IL3RA: variants seen among roughly 807,000 people sequenced by gnomAD.
IL3RA encodes the protein interleukin-3 receptor subunit alpha.
Under a neutral mutation model 52.3 loss-of-function variants are expected in IL3RA, and 73 were observed. The observed-to-expected ratio is 1.40, with a 90% CI of 1.16 to 1.70. IL3RA has a LOEUF of 1.70. IL3RA is among the 40% of genes most tolerant of loss of function. IL3RA has a pLI of 0.00. For missense variants in IL3RA, 664 were observed against 504.4 expected (o/e 1.32, Z -3.03); for synonymous variants, 260 against 194.0 (o/e 1.34, Z -2.83).
chrX:1,379,029 G>C (rs1179638573), intron 10 of IL3RA, among the ~76,000 whole-genome samples: 1 of 152,032 alleles, frequency 6.6e-6, no homozygotes, highest in Non-Finnish European at 1.5e-5. Flanking sequence ...TTTTAGTAGA[G>C]ACGGGGTTTT....
At chrX:1,370,296 G>T in intron 9 of IL3RA, among the ~76,000 whole-genome samples, 1 of 11,756 alleles carries the variant, frequency 8.5e-5, no homozygotes, top group Non-Finnish European at 1.3e-4. Context: ...CTCATAAGAA[G>T]AGACGAGGAC....
intron 2 of IL3RA, among the ~76,000 whole-genome samples, chrX:1,342,472 T>C (rs17881030): frequency 0.034 from 5,112 of 151,988 alleles, 109 homozygotes; most frequent in Middle Eastern, 0.065. Context: ...GGCCTTTTTT[T>C]TCATTGGTTT....
At chrX:1,377,233 CTTTTTTCTTTTTT>C (rs2088824493) in intron 9 of IL3RA, among the ~76,000 whole-genome samples, 1 of 152,032 alleles carries the variant, frequency 6.6e-6, no homozygotes, top group Non-Finnish European at 1.5e-5. Flanking sequence ...TTTTCTTTTT[CTTTTTTCTTTTTT>C]TTCCTCTTTT....
intron 2 of IL3RA, among the ~76,000 whole-genome samples, chrX:1,344,210 G>A (rs1349032874): frequency 6.6e-6 from 1 of 151,930 alleles, no homozygotes; most frequent in African/African-American, 2.4e-5. Context: ...GAGGCAGGCA[G>A]ATCATGTGAG....
At chrX:1,343,695 C>G (rs1365299210) in intron 2 of IL3RA, among the ~76,000 whole-genome samples, 1 of 149,358 alleles carries the variant, frequency 6.7e-6, no homozygotes, top group Non-Finnish European at 1.5e-5. Context: ...AGAATATTGC[C>G]TTTAACATCT....
intron 9 of IL3RA, among the ~76,000 whole-genome samples, chrX:1,368,437 T>G (rs1184890336): frequency 6.6e-6 from 1 of 151,786 alleles, no homozygotes; most frequent in South Asian, 2.1e-4. Context: ...ATAGAAAAAT[T>G]AGGTCAGGTG....
In IL3RA at chrX:1,338,948, C is replaced by T. The variant is rs1322853193; in HGVS notation, c.-39+2022C>T. On this transcript the variant is annotated intron_variant, in intron 1 of 11. Transcript: ENST00000331035. ...CTGAGTAGCTGGGACTACAGGCACC[C>T]GCAACTACGCCTGGCTAATTTTTGT... is the stretch of plus-strand genomic sequence containing the variant. 8.6e-4 allele frequency among the ~76,000 whole-genome samples: 130 copies of T among 151,998 alleles called. 1 individual carries two copies. The highest frequency in any genetic ancestry group is 1.3e-3 in the Non-Finnish European group (88 of 67,996).
Position 1,365,136 on chromosome X carries a change from A to G in IL3RA, c.760-2A>G, listed in dbSNP as rs1389632912. 6.2e-7 allele frequency: 1 copy of G among 1,602,852 alleles called. No homozygotes were observed. Among genetic ancestry groups the G allele is most frequent in the Non-Finnish European group, 8.5e-7 (1 of 1,171,824 alleles). The stretch of plus-strand genomic sequence containing the variant: ...TCTTCTTTATTTTCTTTCAAACCAC[A>G]GGTCAGAGACAGAACCTCCTTCCAG... On this transcript the variant is annotated splice_acceptor_variant, in intron 8 of 11. Coordinates refer to ENST00000331035, the MANE Select transcript of IL3RA (RefSeq NM_002183.4). LOFTEE classifies it high-confidence loss of function.
chrX:1,345,651 G>A (rs1158401836), intron 3 of IL3RA, among the ~76,000 whole-genome samples: 14 of 151,386 alleles, frequency 9.2e-5, no homozygotes, highest in Admixed American at 1.3e-4. Flanking sequence ...CACCATGCCC[G>A]GCTAATTTTT....
chrX:1,354,058 C>A lies in IL3RA; in HGVS notation c.616+1552C>A. 2.1e-5 allele frequency among the ~76,000 whole-genome samples: 3 copies of A among 145,186 alleles called. 1 individual carries two copies. On this transcript the variant is annotated intron_variant, in intron 6 of 11. Coordinates refer to ENST00000331035, the MANE Select transcript of IL3RA (RefSeq NM_002183.4). ...GTCTCATCATGGGCCATGGGTCCCA[C>A]CATGGGTCATGGGAGCCCCCATCAT...
At chrX:1,344,211 A>G (rs2085625846) in intron 2 of IL3RA, among the ~76,000 whole-genome samples, 1 of 152,066 alleles carries the variant, frequency 6.6e-6, no homozygotes, top group South Asian at 2.1e-4. Context: ...AGGCAGGCAG[A>G]TCATGTGAGG....
In IL3RA at chrX:1,382,404, C is replaced by T. The variant is rs774597782; in HGVS notation, c.1076C>T (p.Ala359Val). ...FQNDKLVVWE[A>V]GKAGLEECLV... ...TCGTCTCTGCAGGTGGTCTGGGAGG[C>T]GGGCAAAGCCGGCCTGGAGGAGTGT... Residue 359 changes from alanine (A) to valine (V), a missense_variant, in exon 12 of 12, where the codon GCG becomes GTG. By Grantham distance (64) the Ala-to-Val change is moderately conservative (BLOSUM62 0). Transcript: ENST00000331035. 35 of 1,613,576 alleles carry T rather than the reference C, an allele frequency of 2.2e-5. No individual in the cohort carries two copies. The highest frequency in any genetic ancestry group is 2.5e-5 in the Non-Finnish European group (29 of 1,179,724).
intron 3 of IL3RA, among the ~76,000 whole-genome samples, chrX:1,347,656 GA>G (rs1231524214): frequency 3.3e-5 from 5 of 151,250 alleles, no homozygotes; most frequent in East Asian, 1.9e-4. Flanking sequence ...AAACAAACAA[GA>G]AAAAAACAAA....
chrX:1,355,707 G>A (rs2086657742), intron 6 of IL3RA, among the ~76,000 whole-genome samples: 1 of 151,964 alleles, frequency 6.6e-6, no homozygotes, highest in Admixed American at 6.6e-5. Context: ...GGAAGCTTCA[G>A]GAGGATGTGT....
chrX:1,378,836 C>T (rs2088983178), intron 10 of IL3RA, 72 bp downstream of exon 10: 7 of 1,312,136 alleles, frequency 5.3e-6, no homozygotes, highest in Admixed American at 1.8e-5. Context: ...ACAGAACCAT[C>T]CTGAGAATTA....
intron 2 of IL3RA, among the ~76,000 whole-genome samples, chrX:1,342,911 C>T (rs1227762583): frequency 1.3e-5 from 2 of 150,936 alleles, no homozygotes; most frequent in Non-Finnish European, 3.0e-5. Flanking sequence ...CCCGTCTCTA[C>T]TAAAAATACA....
intron 6 of IL3RA, among the ~76,000 whole-genome samples, chrX:1,353,205 TCCA>T (rs2086232546): frequency 6.9e-6 from 1 of 145,380 alleles, no homozygotes; most frequent in Non-Finnish European, 1.5e-5. Flanking sequence ...CATCATGGGT[TCCA>T]TCATGGGTAA....
intron 8 of IL3RA, among the ~76,000 whole-genome samples, chrX:1,360,877 CT>C (rs2087227855): frequency 1.4e-5 from 2 of 146,258 alleles, no homozygotes; most frequent in Admixed American, 1.3e-4. Context: ...CCCTTCCCCT[CT>C]CTGTCTCTCT....
intron 10 of IL3RA, among the ~76,000 whole-genome samples, chrX:1,379,042 C>T (rs1414053436): frequency 1.3e-5 from 2 of 152,008 alleles, no homozygotes; most frequent in Non-Finnish European, 2.9e-5. Flanking sequence ...GGGGTTTTGC[C>T]ATGTTGGCCA....
Sources: allele counts gnomAD v4.1 joint callset (sites outside exome capture counted in the v4.1 genomes callset), GRCh38; gene constraint gnomAD v4.1.1; transcripts MANE v1.5; gene names NCBI Gene and HGNC (gene_info 2026-07-23, HGNC 2026-07-21).